The following CDH13 variants were observed in gnomAD, a reference collection of about 807,000 sequenced individuals.
The protein encoded by CDH13 is cadherin-13.
CDH13 carries 24 observed loss-of-function variants against 63.8 expected under a neutral mutation model. The observed-to-expected ratio is 0.38, with a 90% CI of 0.27 to 0.53. CDH13 has a LOEUF of 0.53. Among genes scored for constraint, CDH13 ranks in the 20% least tolerant of loss-of-function variants. CDH13 has a pLI of 0.85. For missense variants in CDH13, 1,049 were observed against 903.1 expected (o/e 1.16, Z -2.07); for synonymous variants, 503 against 355.3 (o/e 1.42, Z -4.67).
intron 1 of CDH13, among the ~76,000 whole-genome samples, chr16:82,815,004 C>T (rs2037635055): frequency 6.6e-6 from 1 of 152,038 alleles, no homozygotes; most frequent in South Asian, 2.1e-4. Flanking sequence ...GTAGGTAAAA[C>T]ATTTTGTTTT....
intron 10 of CDH13, among the ~76,000 whole-genome samples, chr16:83,722,101 A>G (rs1487501165): frequency 2.0e-5 from 3 of 152,148 alleles, no homozygotes; most frequent in Admixed American, 1.3e-4. Flanking sequence ...GGGAAGAAAG[A>G]GGAGGACTCA....
chr16:83,487,397 G>C (rs746105704), intron 7 of CDH13, among the ~76,000 whole-genome samples: 1 of 152,158 alleles, frequency 6.6e-6, no homozygotes, highest in Non-Finnish European at 1.5e-5. Flanking sequence ...GTGCACTATC[G>C]GTGGTGTGAG....
At chr16:83,405,039 A>T (rs2092021302) in intron 6 of CDH13, among the ~76,000 whole-genome samples, 1 of 152,176 alleles carries the variant, frequency 6.6e-6, no homozygotes, top group Admixed American at 6.5e-5. Context: ...AAAGTAGAAG[A>T]TGCAGATGAT....
Position 83,602,557 on chromosome 16 carries a change from A to T in CDH13, c.1064A>T (p.Asp355Val). ...GCCACAGCCACGATCATGATCGATG[A>T]CAAAAATGATCACTCACCAAAATTC... Reference protein sequence around the residue: ...GTATATIMIDDKNDHSPKFTK... With the variant: ...GTATATIMIDVKNDHSPKFTK... The change falls in exon 8 of 14, where the codon GAC (aspartate) becomes GTC (valine). Residue 355 changes from aspartate (D) to valine (V), a missense_variant. Coordinates refer to ENST00000567109, the MANE Select transcript of CDH13 (RefSeq NM_001257.5). The T allele has an allele frequency of 6.2e-7, 1 of 1,614,032 alleles. No individual in the cohort carries two copies. Among genetic ancestry groups the T allele is most frequent in the South Asian group, 1.1e-5 (1 of 91,080 alleles).
chr16:83,074,870 C>G (rs554155389), intron 3 of CDH13, among the ~76,000 whole-genome samples: 1 of 152,160 alleles, frequency 6.6e-6, no homozygotes, highest in Non-Finnish European at 1.5e-5. Context: ...GTCTGAAAGA[C>G]GCAAAATTAG....
At chr16:83,222,578 A>G (rs754030739) in intron 5 of CDH13, among the ~76,000 whole-genome samples, 2 of 152,142 alleles carry the variant, frequency 1.3e-5, no homozygotes, top group Non-Finnish European at 2.9e-5. Flanking sequence ...GGATTGTACT[A>G]CACCTGATTA....
At chr16:83,067,828 T>A (rs1173209687) in intron 3 of CDH13, among the ~76,000 whole-genome samples, 1 of 152,092 alleles carries the variant, frequency 6.6e-6, no homozygotes, top group Non-Finnish European at 1.5e-5. Context: ...CCTCTCTTCT[T>A]CTCTCTGGCC....
intron 1 of CDH13, among the ~76,000 whole-genome samples, chr16:82,720,151 G>A (rs2032672938): frequency 6.6e-6 from 1 of 152,030 alleles, no homozygotes; most frequent in African/African-American, 2.4e-5. Context: ...TCAATTTTTG[G>A]TGAATCAGTG....
chr16:83,453,531 G>T (rs2072938740), intron 6 of CDH13, among the ~76,000 whole-genome samples: 1 of 152,102 alleles, frequency 6.6e-6, no homozygotes, highest in Non-Finnish European at 1.5e-5. Flanking sequence ...AATCATAGTT[G>T]CCTTAGTTAT....
intron 5 of CDH13, among the ~76,000 whole-genome samples, chr16:83,314,206 G>A (rs187949377): frequency 1.7e-3 from 256 of 152,152 alleles, no homozygotes; most frequent in Admixed American, 5.4e-3. Context: ...TTGGGAAACG[G>A]ACAATCTATA....
chr16:83,476,039 A>G lies in CDH13; in HGVS notation c.782-10438A>G, dbSNP rs377563595. Among the ~76,000 whole-genome samples the G allele has an allele frequency of 2.6e-5, 4 of 152,368 alleles. No individual in the cohort carries two copies. The East Asian group carries it at 7.7e-4, about 29-fold the overall frequency. ...CAATTATTTACCTGCTTCCTACTCCAGCTTTATATTACCTTAAGCTGTAAA... is the reference window on the plus strand; with the variant it reads ...CAATTATTTACCTGCTTCCTACTCCGGCTTTATATTACCTTAAGCTGTAAA... On this transcript the variant is annotated intron_variant, in intron 6 of 13. Transcript: ENST00000567109.
chr16:83,794,892 AT>A (rs1490234787), intron 13 of CDH13, 130 bp from the exon 14 acceptor site: 33 of 814,462 alleles, frequency 4.1e-5, no homozygotes, highest in East Asian at 1.9e-4. Flanking sequence ...GAAAAAAAAA[AT>A]TCCCCCATAG....
At chr16:83,334,331 TCCCTTTCTCC>T in intron 5 of CDH13, among the ~76,000 whole-genome samples, 1 of 138,154 alleles carries the variant, frequency 7.2e-6, no homozygotes. Context: ...TCTCCCTCTC[TCCCTTTCTCC>T]CTCTCTCTCT....
intron 5 of CDH13, among the ~76,000 whole-genome samples, chr16:83,223,142 G>T (rs533714772): frequency 6.6e-6 from 1 of 152,294 alleles, no homozygotes; most frequent in Non-Finnish European, 1.5e-5. Context: ...CGGAGCCTGG[G>T]TATTTATAAA....
At chr16:83,078,738 G>A (rs1192934214) in intron 3 of CDH13, among the ~76,000 whole-genome samples, 1 of 152,212 alleles carries the variant, frequency 6.6e-6, no homozygotes, top group African/African-American at 2.4e-5. Flanking sequence ...AATTTACCCA[G>A]TGTCAAATTC....
At chr16:82,719,173 C>T (rs1450798272) in intron 1 of CDH13, among the ~76,000 whole-genome samples, 1 of 152,082 alleles carries the variant, frequency 6.6e-6, no homozygotes, top group Non-Finnish European at 1.5e-5. Flanking sequence ...TAAGATGAAA[C>T]ATGGTATGGG....
chr16:83,760,450 C>T lies in CDH13; in HGVS notation c.1681+12200C>T, dbSNP rs540751733. 3.3e-5 allele frequency among the ~76,000 whole-genome samples: 5 copies of T among 152,218 alleles called. No individual in the cohort carries two copies. In the South Asian group the frequency reaches 1.0e-3, roughly 32 times the overall value. On this transcript the variant is annotated intron_variant, in intron 11 of 13. Coordinates refer to ENST00000567109, the MANE Select transcript of CDH13 (RefSeq NM_001257.5). ...AGTTGGAAATTATCCAGATGCCCAG[C>T]AAAAGTTGAATAATAAATTGTGATA...
chr16:82,872,282 G>C (rs2151190332), intron 2 of CDH13, among the ~76,000 whole-genome samples: 1 of 152,364 alleles, frequency 6.6e-6, no homozygotes, highest in East Asian at 1.9e-4. Context: ...CTGGTGAGCA[G>C]ATTGCTTAAT....
At chr16:83,356,729 G>A (rs2091064378) in intron 6 of CDH13, among the ~76,000 whole-genome samples, 1 of 152,064 alleles carries the variant, frequency 6.6e-6, no homozygotes, top group South Asian at 2.1e-4. Flanking sequence ...TAAGTTCAAT[G>A]GGAAGAGGGT....
Sources: allele counts gnomAD v4.1 joint callset (sites outside exome capture counted in the v4.1 genomes callset), GRCh38; gene constraint gnomAD v4.1.1; transcripts MANE v1.5; gene names NCBI Gene and HGNC (gene_info 2026-07-23, HGNC 2026-07-21).